FSHR: variants seen among roughly 807,000 people sequenced by gnomAD.
The protein encoded by FSHR is follicle stimulating hormone receptor.
Under a neutral mutation model 52.1 loss-of-function variants are expected in FSHR, and 46 were observed. The observed-to-expected ratio is 0.88, with a 90% CI of 0.70 to 1.13. FSHR has a LOEUF of 1.13. Ranked by LOEUF, FSHR falls within the 50% of genes most tolerant of loss-of-function variation. The pLI, the probability that FSHR is intolerant of heterozygous loss-of-function variation, is 0.00. For missense variants in FSHR, 964 were observed against 834.6 expected, an observed-to-expected ratio of 1.16 and a Z score of -1.91; for synonymous variants, 399 against 309.6, an observed-to-expected ratio of 1.29 and a Z score of -3.03.
chr2:49,074,782 A>C (rs1310139643), intron 1 of FSHR, among the ~76,000 whole-genome samples: 2 of 152,082 alleles, frequency 1.3e-5, no homozygotes, highest in Non-Finnish European at 2.9e-5. Context: ...CTAGTTGTCC[A>C]ACAGATAAAT....
chr2:49,104,244 G>T (rs1156933334), intron 1 of FSHR, among the ~76,000 whole-genome samples: 1 of 152,136 alleles, frequency 6.6e-6, no homozygotes, highest in Non-Finnish European at 1.5e-5. Flanking sequence ...TCAGCAGTCT[G>T]ATTAGATTAA....
intron 1 of FSHR, among the ~76,000 whole-genome samples, chr2:49,100,757 C>T (rs893219018): frequency 2.6e-5 from 4 of 152,198 alleles, no homozygotes; most frequent in Admixed American, 6.6e-5. Context: ...CAATCTAAAT[C>T]ATTATTATTC....
intron 4 of FSHR, among the ~76,000 whole-genome samples, chr2:48,994,097 A>G (rs1344349983): frequency 6.6e-6 from 1 of 152,170 alleles, no homozygotes; most frequent in African/African-American, 2.4e-5. Context: ...GTTGACGCAT[A>G]AAATGTGCTC....
At chr2:49,013,554 A>G (rs1375112240) in intron 4 of FSHR, among the ~76,000 whole-genome samples, 5 of 146,120 alleles carry the variant, frequency 3.4e-5, no homozygotes, top group Non-Finnish European at 6.0e-5. Context: ...AAATATATAT[A>G]TGGTTTATTT....
chr2:49,026,826 G>A (rs561237944), intron 2 of FSHR, among the ~76,000 whole-genome samples: 76 of 151,982 alleles, frequency 5.0e-4, no homozygotes, highest in African/African-American at 1.7e-3. Flanking sequence ...TCCCTGTCTT[G>A]GTGTCCCTCA....
chr2:49,095,092 A>G (rs901741277), intron 1 of FSHR, among the ~76,000 whole-genome samples: 15 of 152,116 alleles, frequency 9.9e-5, no homozygotes, highest in African/African-American at 3.4e-4. Flanking sequence ...TCAAAACGCT[A>G]GCTGCTTTTA....
chr2:48,990,864 A>G (rs1675740698), intron 4 of FSHR, among the ~76,000 whole-genome samples: 1 of 150,236 alleles, frequency 6.7e-6, no homozygotes, highest in South Asian at 2.1e-4. Context: ...CTTCAGTCAC[A>G]AGGGGATTAG....
intron 2 of FSHR, among the ~76,000 whole-genome samples, chr2:49,062,381 A>G (rs1669343021): frequency 6.6e-6 from 1 of 152,170 alleles, no homozygotes; most frequent in Non-Finnish European, 1.5e-5. Flanking sequence ...AGGAAACTGG[A>G]TATCTATATT....
rs531189367 is a variant in FSHR, at chr2:49,151,964, A to G, written c.152+2302T>C. On this transcript the variant is annotated intron_variant, in intron 1 of 9. Transcript: ENST00000406846. ...TTCCTTTTTTAAAATCTAATAGACA[A>G]AGCAACATTTCTCTTCTCACCTCAG... 2.6e-5 allele frequency among the ~76,000 whole-genome samples: 4 copies of G among 152,270 alleles called. No homozygotes were observed. The South Asian group carries it at 8.3e-4, about 32-fold the overall frequency.
At chr2:49,139,596 G>A (rs115004015) in intron 1 of FSHR, among the ~76,000 whole-genome samples, 6 of 130,910 alleles carry the variant, frequency 4.6e-5, no homozygotes, top group South Asian at 2.6e-4. Flanking sequence ...TAACTTCCAA[G>A]AATTTTTTTT....
intron 1 of FSHR, among the ~76,000 whole-genome samples, chr2:49,083,510 T>C (rs1670255042): frequency 6.9e-6 from 1 of 145,536 alleles, no homozygotes; most frequent in Admixed American, 6.9e-5. Flanking sequence ...ACTTTAAATG[T>C]AAATGGACTA....
chr2:49,063,726 A>C (rs1358280765), intron 2 of FSHR, among the ~76,000 whole-genome samples: 1 of 152,142 alleles, frequency 6.6e-6, no homozygotes, highest in East Asian at 1.9e-4. Flanking sequence ...AAGTACAGCA[A>C]AATAGGAGGA....
intron 2 of FSHR, among the ~76,000 whole-genome samples, chr2:49,041,106 C>T (rs1572668966): frequency 6.6e-6 from 1 of 152,302 alleles, no homozygotes; most frequent in Admixed American, 6.5e-5. Context: ...CATGCAGAAA[C>T]AGAACACTTA....
chr2:48,987,892 G>A lies in FSHR; in HGVS notation c.524+1085C>T, dbSNP rs548857881. Among the ~76,000 whole-genome samples, 13 of 150,890 alleles carry A rather than the reference G, an allele frequency of 8.6e-5. No homozygotes were observed. The South Asian group carries it at 2.7e-3, about 32-fold the overall frequency. ...CACACCCCTTCACTTCAAATATCAT[G>A]AGCTTATGTGAAATGATTCAGTATC... On this transcript the variant is annotated intron_variant, in intron 6 of 9. Transcript: ENST00000406846.
intron 1 of FSHR, among the ~76,000 whole-genome samples, chr2:49,082,407 A>G (rs1464259898): frequency 2.0e-5 from 3 of 152,236 alleles, no homozygotes; most frequent in African/African-American, 7.2e-5. Flanking sequence ...AAAACAGAGC[A>G]GAAAAACTGG....
intron 1 of FSHR, among the ~76,000 whole-genome samples, chr2:49,128,852 A>G (rs1672159703): frequency 6.6e-6 from 1 of 152,150 alleles, no homozygotes; most frequent in African/African-American, 2.4e-5. Context: ...ATGACGAAAA[A>G]TAGAACTGAT....
At chr2:48,982,091 T>C (rs1157027999) in intron 8 of FSHR, among the ~76,000 whole-genome samples, 1 of 152,182 alleles carries the variant, frequency 6.6e-6, no homozygotes, top group African/African-American at 2.4e-5. Context: ...GGAACACATT[T>C]TTAAAAAGCC....
intron 1 of FSHR, among the ~76,000 whole-genome samples, chr2:49,074,577 C>G (rs1031614095): frequency 1.3e-5 from 2 of 152,024 alleles, no homozygotes; most frequent in East Asian, 1.9e-4. Context: ...GGAAAATAAA[C>G]TAGTACAGAC....
chr2:49,012,758 A>G (rs74489835), intron 4 of FSHR, among the ~76,000 whole-genome samples: 3,203 of 152,236 alleles, frequency 0.021, 103 homozygotes, highest in African/African-American at 0.072. Flanking sequence ...TCTTGAAGCA[A>G]GTAGTTCATC....
Sources: gnomAD v4.1 joint callset for allele counts (sites outside exome capture counted in the v4.1 genomes callset) on GRCh38, gnomAD v4.1.1 for gene constraint, MANE v1.5 for transcripts, NCBI Gene and HGNC (gene_info 2026-07-23, HGNC 2026-07-21) for gene names.